Variants in FGFR1 observed in about 807,000 individuals in gnomAD.
FGFR1 encodes fibroblast growth factor receptor 1, also known as FGFR1/PLAG1 fusion.
A neutral mutation model predicts 93.7 loss-of-function variants in FGFR1; 18 were observed. That is an observed-to-expected ratio of 0.19 (90% CI 0.13 to 0.28). The LOEUF (loss-of-function observed/expected upper bound fraction) is 0.28, where lower values mean the gene tolerates loss of function less well. Ranked by LOEUF, FGFR1 falls within the 10% of genes least tolerant of loss-of-function variation. The pLI, the probability that FGFR1 is intolerant of heterozygous loss-of-function variation, is 1.00. For missense variants in FGFR1, 731 were observed against 1,080.4 expected (o/e 0.68, Z 4.53); for synonymous variants, 448 against 429.3 (o/e 1.04, Z -0.54).
At chr8:38,457,577 T>C (rs1286653641) in intron 1 of FGFR1, 43 bp from the exon 2 acceptor site, 4 of 1,535,156 alleles carry the variant, frequency 2.6e-6, no homozygotes, top group East Asian at 2.4e-5. Context: ...AGGGTCTAGG[T>C]AGGGGAGGGG....
At chr8:38,416,448 ATTTTTTTTTTTTT>A (rs57944426) in intron 12 of FGFR1, among the ~76,000 whole-genome samples, 47 of 80,932 alleles carry the variant, frequency 5.8e-4, no homozygotes, top group African/African-American at 2.4e-3. Flanking sequence ...TGCCTGGCTA[ATTTTTTTTTTTTT>A]TTTTTTTTTT....
In FGFR1 at chr8:38,457,454, C is replaced by T. The variant is rs1175350192; in HGVS notation, c.-8G>A. On this transcript the variant is annotated 5_prime_UTR_variant, in exon 2 of 18. Transcript: ENST00000447712. ...GCACTTCCAGCTCCACATCCCAGTT[C>T]TGCAGTTAGAGGTTGGTGACAAGGC... 28 of 1,614,054 alleles carry T rather than the reference C, an allele frequency of 1.7e-5. No individual in the cohort carries two copies. The highest frequency in any genetic ancestry group is 1.9e-5 in the Non-Finnish European group (22 of 1,180,008).
Position 38,431,238 on chromosome 8 carries a change from TACTC to T in FGFR1, c.92-1294_92-1291del, listed in dbSNP as rs377595028. On this transcript the variant is annotated intron_variant, in intron 2 of 17. Coordinates refer to ENST00000447712, the MANE Select transcript of FGFR1 (RefSeq NM_023110.3). ...TGATTTTTTTCTGTCCAGCTCTCAC[TACTC>T]ACTCTTCTGTCTCAGCCTAGCTGGT... is the stretch of plus-strand genomic sequence containing the variant. Among the ~76,000 whole-genome samples the T allele has an allele frequency of 7.6e-4, 115 of 152,274 alleles. 2 individuals carry two copies. In the Middle Eastern group the frequency reaches 0.021, roughly 27 times the overall value.
At chr8:38,452,192 GAC>G (rs1167901036) in intron 2 of FGFR1, among the ~76,000 whole-genome samples, 5 of 91,578 alleles carry the variant, frequency 5.5e-5, no homozygotes, top group Middle Eastern at 5.4e-3. Flanking sequence ...CAGACACACA[GAC>G]ACACAGACAC....
chr8:38,440,013 A>G (rs1288111759), intron 2 of FGFR1, among the ~76,000 whole-genome samples: 1 of 152,208 alleles, frequency 6.6e-6, no homozygotes, highest in Non-Finnish European at 1.5e-5. Flanking sequence ...GTCTCAGGGT[A>G]GCAATTTCTA....
At chr8:38,463,750 T>C (rs1473618067) in intron 1 of FGFR1, among the ~76,000 whole-genome samples, 1 of 152,082 alleles carries the variant, frequency 6.6e-6, no homozygotes, top group Non-Finnish European at 1.5e-5. Flanking sequence ...CCTGAGAAAA[T>C]TTCTGGACAA....
intron 7 of FGFR1, 83 bp from the exon 8 acceptor site, chr8:38,422,024 A>G: frequency 6.7e-7 from 1 of 1,501,950 alleles, no homozygotes; most frequent in Non-Finnish European, 9.2e-7. Flanking sequence ...GGAGACAGAA[A>G]GAAGGGGGAC....
At chr8:38,417,104 T>C (rs772626313) in intron 12 of FGFR1, among the ~76,000 whole-genome samples, 4 of 152,210 alleles carry the variant, frequency 2.6e-5, no homozygotes, top group African/African-American at 9.6e-5. Flanking sequence ...ACACACCACG[T>C]GTGTGAATCT....
intron 2 of FGFR1, among the ~76,000 whole-genome samples, chr8:38,455,506 T>C (rs1021940127): frequency 1.3e-5 from 2 of 152,112 alleles, no homozygotes; most frequent in Non-Finnish European, 2.9e-5. Flanking sequence ...TTAGGCAGGA[T>C]GGTCTCGAAC....
At chr8:38,462,552 A>G (rs889956976) in intron 1 of FGFR1, among the ~76,000 whole-genome samples, 2 of 152,138 alleles carry the variant, frequency 1.3e-5, no homozygotes, top group East Asian at 1.9e-4. Flanking sequence ...TTAATTTCCA[A>G]TGTGGCTTCT....
chr8:38,444,134 G>T (rs1828523356), intron 2 of FGFR1, among the ~76,000 whole-genome samples: 1 of 151,020 alleles, frequency 6.6e-6, no homozygotes, highest in Non-Finnish European at 1.5e-5. Flanking sequence ...TTCTTACTTG[G>T]CAAAAAAGTT....
rs747507394 is a variant in FGFR1, at chr8:38,426,264, G to A, written c.622-19C>T. ...AACGGACCTGAGGGGAAATGCCAAAGGGATACATTGAGGGTCCAGAGGAAA... is the reference window on the plus strand; with the variant it reads ...AACGGACCTGAGGGGAAATGCCAAAAGGATACATTGAGGGTCCAGAGGAAA... On this transcript the variant is annotated intron_variant, in intron 5 of 17. Coordinates refer to ENST00000447712, the MANE Select transcript of FGFR1 (RefSeq NM_023110.3). This position sits in a 1 kb window ranked among gnomAD's most constrained non-coding sequence, Gnocchi z 4.1. 6.2e-7 allele frequency: 1 copy of A among 1,613,878 alleles called. No homozygotes were observed. Among genetic ancestry groups the A allele is most frequent in the Non-Finnish European group, 8.5e-7 (1 of 1,179,966 alleles).
chr8:38,447,510 G>A lies in FGFR1; in HGVS notation c.91+9846C>T, dbSNP rs544678620. Among the ~76,000 whole-genome samples, 61 of 152,188 alleles carry A rather than the reference G, an allele frequency of 4.0e-4. 1 individual carries two copies. The highest frequency in any genetic ancestry group is 1.4e-3 in the African/African-American group (58 of 41,536). On this transcript the variant is annotated intron_variant, in intron 2 of 17. Coordinates refer to ENST00000447712, the MANE Select transcript of FGFR1 (RefSeq NM_023110.3). ...ATTATTATTACTTTTGAGACAGAGCGTTGCTCTGTCGCCCAGGATGGAGTG... is the reference window on the plus strand; with the variant it reads ...ATTATTATTACTTTTGAGACAGAGCATTGCTCTGTCGCCCAGGATGGAGTG...
chr8:38,414,990 T>TA, intron 13 of FGFR1, 89 bp from the exon 14 acceptor site: 1 of 1,058,812 alleles, frequency 9.4e-7, no homozygotes, highest in Non-Finnish European at 1.4e-6. Context: ...CTAGCCGACT[T>TA]GTCTCATAGA....
intron 2 of FGFR1, chr8:38,434,329 CTTTTT>C (rs57569029): frequency 6.0e-4 from 68 of 113,848 alleles, no homozygotes; most frequent in African/African-American, 1.7e-3. Flanking sequence ...ATTGCTGCTG[CTTTTT>C]TTTTTTTTTT....
At chr8:38,458,371 T>C (rs1469970301) in intron 1 of FGFR1, among the ~76,000 whole-genome samples, 7 of 152,138 alleles carry the variant, frequency 4.6e-5, no homozygotes, top group Admixed American at 3.3e-4. Flanking sequence ...TGAAATCCCA[T>C]CTCTACTAAA....
chr8:38,424,293 T>G lies in FGFR1; in HGVS notation c.936+216A>C, dbSNP rs1819923972. On this transcript the variant is annotated intron_variant, in intron 7 of 17. Coordinates refer to ENST00000447712, the MANE Select transcript of FGFR1 (RefSeq NM_023110.3). This position sits in a 1 kb window ranked among gnomAD's most constrained non-coding sequence, Gnocchi z 4.3. ...ATTACAGACCAGCACCACCCATCCCTGCAGCCCTCTGTTCCCAGCTCACCT... is the reference window on the plus strand; with the variant it reads ...ATTACAGACCAGCACCACCCATCCCGGCAGCCCTCTGTTCCCAGCTCACCT... The G allele has an allele frequency of 1.4e-6, 1 of 709,434 alleles. No individual in the cohort carries two copies. Among genetic ancestry groups the G allele is most frequent in the Non-Finnish European group, 2.6e-6 (1 of 381,852 alleles). 43.9% of individuals were successfully genotyped at this position (709,434 alleles called of 1,614,324 possible). A position where few individuals can be genotyped will look rare whatever the true frequency, so the allele number is the denominator to read the frequency against.
rs1475988405 is a variant in FGFR1 at position 38,447,777 on chromosome 8, G to C, written c.91+9579C>G. Among the ~76,000 whole-genome samples the C allele has an allele frequency of 2.6e-5, 4 of 152,218 alleles. No individual in the cohort carries two copies. In the South Asian group the frequency reaches 8.3e-4, roughly 32 times the overall value. Reference sequence around the variant, plus strand: ...ATTATAGGTGTGAGCAACTGCACCCGGCTGGTATTTATTATTATATTTTAA... The same window carrying C: ...ATTATAGGTGTGAGCAACTGCACCCCGCTGGTATTTATTATTATATTTTAA... On this transcript the variant is annotated intron_variant, in intron 2 of 17. Transcript: ENST00000447712.
At chr8:38,461,908 G>A (rs1211760948) in intron 1 of FGFR1, among the ~76,000 whole-genome samples, 1 of 152,154 alleles carries the variant, frequency 6.6e-6, no homozygotes, top group East Asian at 1.9e-4. Flanking sequence ...GCACTCTCAG[G>A]AGATTTGGTA....
Sources: gnomAD v4.1 joint callset for allele counts (sites outside exome capture counted in the v4.1 genomes callset) on GRCh38, gnomAD v4.1.1 for gene constraint, Gnocchi (gnomAD v3.1) non-coding constraint, MANE v1.5 for transcripts, NCBI Gene and HGNC (gene_info 2026-07-23, HGNC 2026-07-21) for gene names.